Variants in C1orf52 observed in about 807,000 individuals in gnomAD.
C1orf52 encodes the protein UPF0690 protein C1orf52.
Under a neutral mutation model 17.2 loss-of-function variants are expected in C1orf52, and 5 were observed. The observed-to-expected ratio is 0.29, with a 90% CI of 0.15 to 0.61. C1orf52 has a LOEUF of 0.61. C1orf52 is among the 20% of genes least tolerant of loss of function. The pLI is 0.85. For synonymous variants in C1orf52, 110 were observed against 88.0 expected (o/e 1.25, Z -1.40); for missense variants, 245 against 234.1 (o/e 1.05, Z -0.30).
intron 2 of C1orf52, among the ~76,000 whole-genome samples, chr1:85,257,167 T>TA (rs1659964447): frequency 6.6e-6 from 1 of 152,222 alleles, no homozygotes. Context: ...ACTGAATACT[T>TA]ACAATGTACT....
rs1359788984 is a variant in C1orf52 at position 85,251,402 on chromosome 1, A to C, written c.*1227T>G. On this transcript the variant is annotated 3_prime_UTR_variant, in exon 3 of 3. Transcript: ENST00000471115. Reference sequence around the variant, plus strand: ...ACTGTTCTGTAATTCTTATCTCTTAAGGGCTTCAGATTCATGGAAAGATTG... The same window carrying C: ...ACTGTTCTGTAATTCTTATCTCTTACGGGCTTCAGATTCATGGAAAGATTG... 1 of 152,152 alleles carries C rather than the reference A, an allele frequency of 6.6e-6. No individual in the cohort carries two copies. Among genetic ancestry groups the C allele is most frequent in the African/African-American group, 2.4e-5 (1 of 41,428 alleles). The allele number at this position is 152,152 out of a possible 1,614,324, so 9.4% of individuals were successfully genotyped here. A position where few individuals can be genotyped will look rare whatever the true frequency, so the allele number is the denominator to read the frequency against.
intron 2 of C1orf52, among the ~76,000 whole-genome samples, chr1:85,256,556 T>G (rs1301607721): frequency 6.6e-6 from 1 of 151,940 alleles, no homozygotes; most frequent in African/African-American, 2.4e-5. Context: ...TCCCAGCACT[T>G]TGGGAGGCCA....
rs1294176249 is a variant in C1orf52 at position 85,251,216 on chromosome 1, T to G, written c.*1413A>C. The G allele has an allele frequency of 6.6e-6, 1 of 152,210 alleles. No homozygotes were observed. The highest frequency in any genetic ancestry group is 1.5e-5 in the Non-Finnish European group (1 of 68,034). The allele number at this position is 152,210 out of a possible 1,614,324, so 9.4% of individuals were successfully genotyped here. ...AAATACTTAGATTATGTCTTTTTCT[T>G]TCTAAATTATTTTTTGTAAAGATGA... On this transcript the variant is annotated 3_prime_UTR_variant, in exon 3 of 3. Coordinates refer to ENST00000471115, the MANE Select transcript of C1orf52 (RefSeq NM_198077.4).
At chr1:85,258,189 A>G (rs1659994895) in intron 2 of C1orf52, among the ~76,000 whole-genome samples, 1 of 152,182 alleles carries the variant, frequency 6.6e-6, no homozygotes, top group Admixed American at 6.5e-5. Context: ...CTTTGTAGCT[A>G]CAGTCACAAG....
intron 1 of C1orf52, chr1:85,259,151 A>T: frequency 8.9e-7 from 1 of 1,125,432 alleles, no homozygotes; most frequent in Non-Finnish European, 1.2e-6. Context: ...TCTCCTCACA[A>T]GGGGCGGGGC....
rs76451768 is a variant in C1orf52, at chr1:85,253,429, T to C, written c.476-727A>G. Among the ~76,000 whole-genome samples the C allele has an allele frequency of 4.8e-3, 733 of 152,238 alleles. 5 individuals are homozygous for C. Among genetic ancestry groups the C allele is most frequent in the African/African-American group, 0.017 (695 of 41,516 alleles). The stretch of plus-strand genomic sequence containing the variant: ...CTCCACCCACCCCAAATCCTTATTT[T>C]GAGGTTAAAAAGCACTCACAAGTAG... On this transcript the variant is annotated intron_variant, in intron 2 of 2. Transcript: ENST00000471115.
chr1:85,257,050 A>C (rs997081125), intron 2 of C1orf52, among the ~76,000 whole-genome samples: 1 of 152,218 alleles, frequency 6.6e-6, no homozygotes, highest in African/African-American at 2.4e-5. Context: ...ACTGTTAAAA[A>C]CGGGCTAAGT....
intron 2 of C1orf52, among the ~76,000 whole-genome samples, chr1:85,256,870 C>A (rs1659957392): frequency 6.7e-6 from 1 of 150,278 alleles, no homozygotes; most frequent in South Asian, 2.1e-4. Context: ...ATGTTTACAT[C>A]ATTTAAGGTC....
In C1orf52 at chr1:85,250,552, A is replaced by C. The variant is rs891461456; in HGVS notation, c.*2077T>G. 1 of 152,190 alleles carries C rather than the reference A, an allele frequency of 6.6e-6. No homozygotes were observed. Among genetic ancestry groups the C allele is most frequent in the South Asian group, 2.1e-4 (1 of 4,828 alleles). The allele number at this position is 152,190 out of a possible 1,614,324, so 9.4% of individuals were successfully genotyped here. ...TGACAGTCCGTTTTCCAACCAGGAG[A>C]TACAAATGGCTGAGTCAGACTTGCT... On this transcript the variant is annotated 3_prime_UTR_variant, in exon 3 of 3. Transcript: ENST00000471115.
At chr1:85,255,362 C>T (rs1323796443) in intron 2 of C1orf52, among the ~76,000 whole-genome samples, 7 of 151,974 alleles carry the variant, frequency 4.6e-5, no homozygotes. Flanking sequence ...CCACCCTGGC[C>T]AACATGCTGA....
At chr1:85,256,668 A>G (rs564915672) in intron 2 of C1orf52, among the ~76,000 whole-genome samples, 10 of 152,110 alleles carry the variant, frequency 6.6e-5, no homozygotes, top group Non-Finnish European at 1.2e-4. Context: ...GTGTGATGGC[A>G]GGCACCTGCA....
chr1:85,253,717 C>T (rs553218904), intron 2 of C1orf52, among the ~76,000 whole-genome samples: 6 of 152,030 alleles, frequency 3.9e-5, no homozygotes, highest in African/African-American at 1.4e-4. Context: ...AAAATGTTGT[C>T]AAACCTGGAA....
Position 85,259,583 on chromosome 1 carries a change from G to T in C1orf52, c.51C>A (p.Ser17Arg). 2.5e-6 allele frequency: 4 copies of T among 1,598,614 alleles called. No individual in the cohort carries two copies. The highest frequency in any genetic ancestry group is 3.4e-6 in the Non-Finnish European group (4 of 1,173,350). ...DPLSYFAAYGSSSSGSSDEED... is the reference protein window; with the variant it reads ...DPLSYFAAYGRSSSGSSDEED... ...CCTCGTCCGAGGAGCCTGAGCTGCT[G>T]CTCCCGTATGCCGCAAAATAGCTCA... Residue 17 changes from serine to arginine, a missense_variant, in exon 1 of 3, where the codon AGC becomes AGA. Physicochemically the swap from Ser to Arg is moderately radical, Grantham distance 110. Coordinates refer to ENST00000471115, the MANE Select transcript of C1orf52 (RefSeq NM_198077.4).
At chr1:85,254,889 TA>T (rs919188104) in intron 2 of C1orf52, among the ~76,000 whole-genome samples, 1 of 152,222 alleles carries the variant, frequency 6.6e-6, no homozygotes, top group Non-Finnish European at 1.5e-5. Flanking sequence ...AACCACAAAC[TA>T]CTGAAGTTAA....
intron 1 of C1orf52, 35 bp downstream of exon 1, chr1:85,259,323 G>A: frequency 6.3e-7 from 1 of 1,598,330 alleles, no homozygotes; most frequent in Non-Finnish European, 8.6e-7. Context: ...GCGCAGGCCG[G>A]GGCCGAGACC....
At chr1:85,254,383 C>G (rs1659874585) in intron 2 of C1orf52, among the ~76,000 whole-genome samples, 1 of 150,092 alleles carries the variant, frequency 6.7e-6, no homozygotes, top group African/African-American at 2.5e-5. Flanking sequence ...CCAAAACAAG[C>G]CAAACGTTTT....
In C1orf52 at chr1:85,250,687, C is replaced by T. The variant is rs79189569; in HGVS notation, c.*1942G>A. ...GTTTGCTTTCATGCTAACTTAAGAA[C>T]CTTGCAATATTTCAGTAACTTCTGA... On this transcript the variant is annotated 3_prime_UTR_variant, in exon 3 of 3. Transcript: ENST00000471115. 1 of 152,186 alleles carries T rather than the reference C, an allele frequency of 6.6e-6. No individual in the cohort carries two copies. Among genetic ancestry groups the T allele is most frequent in the African/African-American group, 2.4e-5 (1 of 41,452 alleles). The allele number at this position is 152,186 out of a possible 1,614,324, so 9.4% of individuals were successfully genotyped here.
rs540148873 is a variant in C1orf52 at position 85,257,051 on chromosome 1, C to T, written c.475+1473G>A. On this transcript the variant is annotated intron_variant, in intron 2 of 2. Transcript: ENST00000471115. ...TCACTCCCTGCATGACTGTTAAAAA[C>T]GGGCTAAGTAGCCCTTGTATTGTGG... is the stretch of plus-strand genomic sequence containing the variant. 3.9e-4 allele frequency among the ~76,000 whole-genome samples: 59 copies of T among 152,268 alleles called. No homozygotes were observed. In the Middle Eastern group the frequency reaches 0.01, roughly 26 times the overall value.
chr1:85,255,666 A>G (rs1418350553), intron 2 of C1orf52, among the ~76,000 whole-genome samples: 1 of 152,240 alleles, frequency 6.6e-6, no homozygotes, highest in Admixed American at 6.5e-5. Flanking sequence ...ATAAAAGGCC[A>G]AAGGGCAGAA....
Sources: allele counts gnomAD v4.1 joint callset (sites outside exome capture counted in the v4.1 genomes callset), GRCh38; gene constraint gnomAD v4.1.1; transcripts MANE v1.5; gene names NCBI Gene and HGNC (gene_info 2026-07-23, HGNC 2026-07-21).